MAD1L1: variants seen among roughly 807,000 people sequenced by gnomAD.
MAD1L1 encodes the protein mitotic spindle assembly checkpoint protein MAD1.
Under a neutral mutation model 96.9 loss-of-function variants are expected in MAD1L1, and 95 were observed. The observed-to-expected ratio is 0.98, with a 90% confidence interval of 0.83 to 1.16. MAD1L1 has a LOEUF of 1.16. MAD1L1 is among the 50% of genes most tolerant of loss of function. The pLI, the probability that MAD1L1 is intolerant of heterozygous loss-of-function variation, is 0.00. For synonymous variants in MAD1L1, 473 were observed against 396.6 expected, an observed-to-expected ratio of 1.19 and a Z score of -2.29; for missense variants, 1,007 against 954.4, an observed-to-expected ratio of 1.06 and a Z score of -0.73.
intron 18 of MAD1L1, among the ~76,000 whole-genome samples, chr7:1,853,415 G>A (rs1285011530): frequency 2.6e-5 from 4 of 152,336 alleles, no homozygotes; most frequent in East Asian, 1.9e-4. Flanking sequence ...CGGCAGCCCT[G>A]CCTTCATTCA....
chr7:2,047,085 GCAAA>G (rs1783957988), intron 12 of MAD1L1, among the ~76,000 whole-genome samples: 1 of 152,204 alleles, frequency 6.6e-6, no homozygotes, highest in South Asian at 2.1e-4. Context: ...ACCCTCCTGG[GCAAA>G]CAGTCTTCGG....
intron 7 of MAD1L1, among the ~76,000 whole-genome samples, chr7:2,216,852 G>A (rs1793309221): frequency 1.3e-5 from 2 of 152,132 alleles, no homozygotes; most frequent in Admixed American, 1.3e-4. Flanking sequence ...CATGCCTCAG[G>A]ACTCTCCTGT....
At chr7:1,962,651 C>G (rs1413793066) in intron 15 of MAD1L1, among the ~76,000 whole-genome samples, 1 of 152,072 alleles carries the variant, frequency 6.6e-6, no homozygotes, top group Admixed American at 6.5e-5. Context: ...AAAACAGGTG[C>G]TTTACCAAAG....
At chr7:2,060,424 T>TACGCCGATGCTGAGATA (rs1381011731) in intron 12 of MAD1L1, among the ~76,000 whole-genome samples, 14 of 151,124 alleles carry the variant, frequency 9.3e-5, no homozygotes, top group Non-Finnish European at 7.4e-5. Flanking sequence ...GATGCTGAGA[T>TACGCCGATGCTGAGATA]ACGCCGATGC....
intron 16 of MAD1L1, among the ~76,000 whole-genome samples, chr7:1,947,418 A>G (rs1779280770): frequency 1.3e-5 from 2 of 152,262 alleles, no homozygotes; most frequent in Admixed American, 1.3e-4. Flanking sequence ...ATGCATATTT[A>G]TAGATCGTCC....
chr7:2,150,751 G>A (rs923417107), intron 10 of MAD1L1, among the ~76,000 whole-genome samples: 26 of 152,302 alleles, frequency 1.7e-4, no homozygotes, highest in African/African-American at 4.6e-4. Context: ...ACCCAGGGCT[G>A]GTCATAAGCC....
At chr7:1,850,558 G>A (rs1031397439) in intron 18 of MAD1L1, among the ~76,000 whole-genome samples, 11 of 152,232 alleles carry the variant, frequency 7.2e-5, no homozygotes, top group Non-Finnish European at 1.3e-4. Flanking sequence ...CCGAGCCTGT[G>A]CTTGACTCCG....
rs562161994 is a variant in MAD1L1 at position 2,090,610 on chromosome 7, C to G, written c.1074-21272G>C. ...AGTTGCCACACCTCCTGAGTCTCCT[C>G]TCATTTGTCAGCCTTTCCTTGTTTC... On this transcript the variant is annotated intron_variant, in intron 11 of 18. Coordinates refer to ENST00000265854, the MANE Select transcript of MAD1L1 (RefSeq NM_001013836.2). 3.3e-5 allele frequency among the ~76,000 whole-genome samples: 5 copies of G among 152,326 alleles called. No individual in the cohort carries two copies. In the East Asian group the frequency reaches 9.7e-4, roughly 29 times the overall value.
intron 11 of MAD1L1, among the ~76,000 whole-genome samples, chr7:2,071,515 C>A (rs1204573007): frequency 6.6e-6 from 1 of 152,242 alleles, no homozygotes; most frequent in African/African-American, 2.4e-5. Context: ...CTGAGGCCTT[C>A]CATGTGCCAA....
chr7:2,007,993 A>G (rs1226965718), intron 13 of MAD1L1, among the ~76,000 whole-genome samples: 1 of 152,244 alleles, frequency 6.6e-6, no homozygotes, highest in Non-Finnish European at 1.5e-5. Flanking sequence ...GTTTACGTGA[A>G]GTTCCAAGAA....
intron 14 of MAD1L1, among the ~76,000 whole-genome samples, chr7:1,994,662 G>A (rs774781658): frequency 6.6e-6 from 1 of 151,792 alleles, no homozygotes; most frequent in African/African-American, 2.4e-5. Context: ...CCTCGGGGGG[G>A]GGATTAGCAC....
intron 13 of MAD1L1, among the ~76,000 whole-genome samples, chr7:2,013,722 AGAG>A (rs754776408): frequency 1.1e-4 from 16 of 152,228 alleles, no homozygotes; most frequent in Non-Finnish European, 1.5e-4. Flanking sequence ...GCAAATCCTG[AGAG>A]GAGAACACGG....
intron 10 of MAD1L1, among the ~76,000 whole-genome samples, chr7:2,203,482 A>C (rs1013348098): frequency 6.6e-6 from 1 of 152,230 alleles, no homozygotes; most frequent in African/African-American, 2.4e-5. Flanking sequence ...TCTCAAACGC[A>C]CATCTCTTTT....
In MAD1L1 at chr7:1,822,429, C is replaced by CAT. The variant is rs1413432199; in HGVS notation, c.1999-6203_1999-6202dup. Among the ~76,000 whole-genome samples the CAT allele has an allele frequency of 1.0e-3, 133 of 127,928 alleles. 1 individual carries two copies. The highest frequency in any genetic ancestry group is 3.0e-3 in the African/African-American group (103 of 34,172). 83.9% of individuals were successfully genotyped at this position (127,928 alleles called of 152,430 possible). ...AAGGTAATTGCTGTCCAAACCTCAG[C>CAT]ATATATATATATATTTTTTTTTTTT... On this transcript the variant is annotated intron_variant, in intron 18 of 18. Coordinates refer to ENST00000265854, the MANE Select transcript of MAD1L1 (RefSeq NM_001013836.2).
chr7:1,887,943 GTA>G (rs1282332719), intron 18 of MAD1L1, among the ~76,000 whole-genome samples: 2 of 151,818 alleles, frequency 1.3e-5, no homozygotes, highest in Non-Finnish European at 1.5e-5. Flanking sequence ...GCACGTGTGT[GTA>G]TGCACATGTG....
intron 13 of MAD1L1, among the ~76,000 whole-genome samples, chr7:2,011,633 A>G (rs1782307032): frequency 1.3e-5 from 2 of 152,108 alleles, no homozygotes; most frequent in South Asian, 4.1e-4. Flanking sequence ...GGGAGGAAAG[A>G]GCTGACGCGG....
intron 10 of MAD1L1, among the ~76,000 whole-genome samples, chr7:2,162,870 ATCT>A (rs1440571007): frequency 8.8e-5 from 13 of 147,592 alleles, no homozygotes; most frequent in South Asian, 2.1e-4. Context: ...TTGGAGTTTC[ATCT>A]TTTTTTTTTT....
At chr7:2,006,771 G>A (rs1328263002) in intron 13 of MAD1L1, among the ~76,000 whole-genome samples, 2 of 152,192 alleles carry the variant, frequency 1.3e-5, no homozygotes, top group Non-Finnish European at 1.5e-5. Flanking sequence ...CTCTGTGTGC[G>A]CAGAGGAGGC....
chr7:2,153,534 C>A (rs1401065950), intron 10 of MAD1L1, among the ~76,000 whole-genome samples: 1 of 151,968 alleles, frequency 6.6e-6, no homozygotes, highest in Admixed American at 6.6e-5. Context: ...ATAAACAGAC[C>A]AAAAAACACA....
Sources: allele counts gnomAD v4.1 joint callset (sites outside exome capture counted in the v4.1 genomes callset), GRCh38; gene constraint gnomAD v4.1.1; transcripts MANE v1.5; gene names NCBI Gene and HGNC (gene_info 2026-07-23, HGNC 2026-07-21).